Variants in NIBAN2 observed in about 807,000 individuals in gnomAD.
NIBAN2 encodes the protein niban apoptosis regulator 2.
A neutral mutation model predicts 81.8 loss-of-function variants in NIBAN2; 36 were observed. The ratio of observed to expected loss-of-function variants is 0.44; its 90% CI spans 0.34 to 0.58. The LOEUF is 0.58. Among genes scored for constraint, NIBAN2 ranks in the 20% least tolerant of loss-of-function variants. The pLI is 0.02. For synonymous variants in NIBAN2, 445 were observed against 441.6 expected, an observed-to-expected ratio of 1.01 and a Z score of -0.10; for missense variants, 897 against 1,014.1, an observed-to-expected ratio of 0.88 and a Z score of 1.57.
chr9:127,541,086 G>A (rs1000096891), intron 1 of NIBAN2, among the ~76,000 whole-genome samples: 2 of 152,160 alleles, frequency 1.3e-5, no homozygotes, highest in Non-Finnish European at 2.9e-5. Flanking sequence ...AGGCAGAGTC[G>A]GGGCAGGGAC....
intron 2 of NIBAN2, among the ~76,000 whole-genome samples, chr9:127,528,355 A>G (rs1235867403): frequency 6.6e-6 from 1 of 152,182 alleles, no homozygotes; most frequent in Admixed American, 6.5e-5. Flanking sequence ...GGAACCCAGG[A>G]GAGTACAGTG....
chr9:127,553,933 T>C (rs1033683459), intron 1 of NIBAN2, among the ~76,000 whole-genome samples: 1 of 152,106 alleles, frequency 6.6e-6, no homozygotes, highest in Non-Finnish European at 1.5e-5. Context: ...TGATGGGTCA[T>C]AGGCTTTCCC....
chr9:127,519,174 CAAAA>C (rs398046914), intron 5 of NIBAN2, among the ~76,000 whole-genome samples: 32 of 39,308 alleles, frequency 8.1e-4, no homozygotes, highest in African/African-American at 2.1e-3. Context: ...GACTCTGTCT[CAAAA>C]AAAAAAAAAA....
At chr9:127,558,235 T>C (rs1225390481) in intron 1 of NIBAN2, among the ~76,000 whole-genome samples, 2 of 151,952 alleles carry the variant, frequency 1.3e-5, no homozygotes, top group Non-Finnish European at 2.9e-5. Flanking sequence ...GAGAGCTTGT[T>C]TGTTTACCCA....
At chr9:127,531,376 C>G (rs924117063) in intron 2 of NIBAN2, among the ~76,000 whole-genome samples, 49 of 151,820 alleles carry the variant, frequency 3.2e-4, no homozygotes, top group Non-Finnish European at 1.8e-4. Context: ...CCCAGCTACT[C>G]GGGAGGCTGA....
chr9:127,524,875 G>A (rs547722878), intron 4 of NIBAN2, 183 bp downstream of exon 4: 23 of 564,112 alleles, frequency 4.1e-5, no homozygotes, highest in Non-Finnish European at 7.3e-5. Flanking sequence ...CATCTTCCAG[G>A]AGGCTCTCAA....
At position 127,525,177 on chromosome 9, in the gene NIBAN2, G is replaced by A. The variant is rs761749243; in HGVS notation, c.316-14C>T. 5 of 1,606,478 alleles carry A rather than the reference G, an allele frequency of 3.1e-6. No individual in the cohort carries two copies. The highest frequency in any genetic ancestry group is 1.7e-5 in the Admixed American group (1 of 59,982). Reference sequence around the variant, plus strand: ...CCGCTCATAGGCCTGAGGGAGGCAAGAGAGAGGGTCCCTGAGGGTTAAGGT... The same window carrying A: ...CCGCTCATAGGCCTGAGGGAGGCAAAAGAGAGGGTCCCTGAGGGTTAAGGT... On this transcript the variant is annotated splice_polypyrimidine_tract_variant and intron_variant, in intron 3 of 13. Coordinates refer to ENST00000373312, the MANE Select transcript of NIBAN2 (RefSeq NM_022833.4).
chr9:127,531,312 A>G (rs2265815), intron 2 of NIBAN2, among the ~76,000 whole-genome samples: 114,032 of 151,824 alleles, frequency 0.75, 43,624 homozygotes, highest in Middle Eastern at 0.85. Context: ...GTAAAACCCC[A>G]TCTCTACTAA....
chr9:127,515,887 T>C (rs1836820640), intron 8 of NIBAN2, among the ~76,000 whole-genome samples: 1 of 150,210 alleles, frequency 6.7e-6, no homozygotes, highest in African/African-American at 2.5e-5. Flanking sequence ...TCTGTAATCC[T>C]AGCACTTTGG....
intron 8 of NIBAN2, among the ~76,000 whole-genome samples, chr9:127,510,958 G>C (rs1202788109): frequency 6.6e-6 from 1 of 152,150 alleles, no homozygotes; most frequent in African/African-American, 2.4e-5. Context: ...GTTTTGGGTA[G>C]GATTGATCTC....
At chr9:127,548,494 T>C (rs570822938) in intron 1 of NIBAN2, among the ~76,000 whole-genome samples, 1 of 152,328 alleles carries the variant, frequency 6.6e-6, no homozygotes, top group Non-Finnish European at 1.5e-5. Flanking sequence ...TCCAAGACTC[T>C]GCTTCCTGTA....
In NIBAN2 at chr9:127,507,250, G is replaced by C. The variant is rs1836622718; in HGVS notation, c.1836C>G (p.Leu612=). The C allele has an allele frequency of 1.2e-6, 2 of 1,609,578 alleles. No homozygotes were observed. Among genetic ancestry groups the C allele is most frequent in the Non-Finnish European group, 1.7e-6 (2 of 1,177,308 alleles). The change falls in exon 14 of 14, where the codon CTC becomes CTG. Residue 612 remains leucine, a synonymous_variant. Transcript: ENST00000373312. The surrounding 1 kb of genome is among the most constrained non-coding windows in gnomAD (Gnocchi z 6.8). ...GCTTGGCGCGCCGTCGCTTTTCCGA[G>C]AGGGTGGCTGACTCCGGGGTGCTGG... ...PSPSTPESAT[L]SEKRRRAKQV...
chr9:127,530,726 G>A (rs967493840), intron 2 of NIBAN2, among the ~76,000 whole-genome samples: 2 of 152,246 alleles, frequency 1.3e-5, no homozygotes, highest in Non-Finnish European at 2.9e-5. Flanking sequence ...TTTGACAGAT[G>A]AGTAAACTGA....
intron 1 of NIBAN2, among the ~76,000 whole-genome samples, chr9:127,553,842 A>G (rs1213235132): frequency 2.6e-5 from 4 of 152,104 alleles, no homozygotes; most frequent in East Asian, 1.9e-4. Flanking sequence ...CAGCCTCCAG[A>G]GTAGCTGGGA....
At chr9:127,537,106 A>T (rs1314535937) in intron 1 of NIBAN2, among the ~76,000 whole-genome samples, 1 of 152,336 alleles carries the variant, frequency 6.6e-6, no homozygotes. Flanking sequence ...GGAGTGGGGC[A>T]GGACTCACAG....
intron 1 of NIBAN2, among the ~76,000 whole-genome samples, chr9:127,576,678 T>C (rs1365248316): frequency 6.8e-6 from 1 of 147,990 alleles, no homozygotes; most frequent in Non-Finnish European, 1.5e-5. Context: ...TTTGGGAGGC[T>C]GAGGCAGGAG....
At chr9:127,562,571 C>G (rs1389601546) in intron 1 of NIBAN2, among the ~76,000 whole-genome samples, 1 of 152,170 alleles carries the variant, frequency 6.6e-6, no homozygotes, top group Non-Finnish European at 1.5e-5. Context: ...AGTCCCCGTC[C>G]CCAGTACACA....
chr9:127,568,978 CCCG>C lies in NIBAN2; in HGVS notation c.-107_-105del, dbSNP rs1564322792. 3.6e-6 allele frequency: 4 copies of C among 1,116,724 alleles called. No homozygotes were observed. Among genetic ancestry groups the C allele is most frequent in the Non-Finnish European group, 4.4e-6 (4 of 917,494 alleles). The allele number at this position is 1,116,724 out of a possible 1,614,324, so 69.2% of individuals were successfully genotyped here. ...ATGGAGCCCGGCCCGCCCTGCTTCC[CCCG>C]CTCCCGCCGCTCCCGCCGCTCCCGC... On this transcript the variant is annotated 5_prime_UTR_variant, in exon 1 of 14. Transcript: ENST00000373312.
At chr9:127,530,141 A>G (rs1254297372) in intron 2 of NIBAN2, among the ~76,000 whole-genome samples, 1 of 151,994 alleles carries the variant, frequency 6.6e-6, no homozygotes, top group Non-Finnish European at 1.5e-5. Context: ...CTTTCCTACC[A>G]CACAGATACG....
Sources: allele counts gnomAD v4.1 joint callset (sites outside exome capture counted in the v4.1 genomes callset), GRCh38; gene constraint gnomAD v4.1.1; non-coding constraint Gnocchi (gnomAD v3.1); transcripts MANE v1.5; gene names NCBI Gene and HGNC (gene_info 2026-07-23, HGNC 2026-07-21).